Variants in GMDS observed in about 807,000 individuals in gnomAD.
The protein encoded by GMDS is GDP-mannose 4,6-dehydratase.
GMDS carries 20 observed loss-of-function variants against 49.9 expected under a neutral mutation model. That is an observed-to-expected ratio of 0.40 (90% CI 0.28 to 0.58). GMDS has a LOEUF of 0.58. Among genes scored for constraint, GMDS ranks in the 20% least tolerant of loss-of-function variants. The pLI is 0.42. For missense variants in GMDS, 362 were observed against 481.4 expected, an observed-to-expected ratio of 0.75 and a Z score of 2.32; for synonymous variants, 177 against 178.6, an observed-to-expected ratio of 0.99 and a Z score of 0.07.
At chr6:2,061,469 C>A (rs533765303) in intron 4 of GMDS, among the ~76,000 whole-genome samples, 2 of 152,278 alleles carry the variant, frequency 1.3e-5, no homozygotes, top group African/African-American at 4.8e-5. Flanking sequence ...GTAATCCCAA[C>A]ACTTTGGGAG....
At chr6:1,637,319 C>T (rs1024545070) in intron 9 of GMDS, among the ~76,000 whole-genome samples, 3 of 152,212 alleles carry the variant, frequency 2.0e-5, no homozygotes, top group East Asian at 1.9e-4. Flanking sequence ...ATGTGCTTCC[C>T]GGCCGGCCCC....
At chr6:1,866,511 G>A (rs1189662423) in intron 7 of GMDS, among the ~76,000 whole-genome samples, 1 of 152,140 alleles carries the variant, frequency 6.6e-6, no homozygotes, top group African/African-American at 2.4e-5. Flanking sequence ...TTTATTAAAG[G>A]GCAGGTCTCA....
chr6:2,077,556 T>C (rs1174350688), intron 4 of GMDS, among the ~76,000 whole-genome samples: 6 of 152,172 alleles, frequency 3.9e-5, no homozygotes, highest in Admixed American at 3.3e-4. Context: ...TTTTTTATCA[T>C]TCATTCTGCT....
chr6:1,940,659 A>G (rs756244005), intron 6 of GMDS, among the ~76,000 whole-genome samples: 3 of 152,272 alleles, frequency 2.0e-5, no homozygotes, highest in African/African-American at 4.8e-5. Flanking sequence ...CAGGCTTAAA[A>G]GAGGACAATT....
At chr6:2,022,742 G>C (rs554532960) in intron 4 of GMDS, among the ~76,000 whole-genome samples, 1 of 152,136 alleles carries the variant, frequency 6.6e-6, no homozygotes, top group Non-Finnish European at 1.5e-5. Flanking sequence ...CAGGAAAAGA[G>C]CATTCCCAAA....
chr6:2,140,175 C>T (rs1465470081), intron 1 of GMDS, among the ~76,000 whole-genome samples: 2 of 152,046 alleles, frequency 1.3e-5, no homozygotes, highest in East Asian at 3.9e-4. Context: ...TGGAGATTAT[C>T]GTGGATTATC....
intron 9 of GMDS, among the ~76,000 whole-genome samples, chr6:1,645,291 C>T (rs1321039596): frequency 1.3e-5 from 2 of 152,196 alleles, no homozygotes; most frequent in Non-Finnish European, 2.9e-5. Context: ...TGAATGCAAG[C>T]CCCCCATGGG....
intron 7 of GMDS, among the ~76,000 whole-genome samples, chr6:1,800,729 C>A (rs2113657195): frequency 6.6e-6 from 1 of 151,892 alleles, no homozygotes; most frequent in South Asian, 2.1e-4. Flanking sequence ...TCCCAAAGTG[C>A]TGGGATTAGA....
chr6:1,671,236 G>A (rs889307936), intron 9 of GMDS, among the ~76,000 whole-genome samples: 1 of 152,164 alleles, frequency 6.6e-6, no homozygotes, highest in Admixed American at 6.5e-5. Context: ...GTCTGGTGGC[G>A]GCTTATCACT....
chr6:1,662,479 C>T (rs1420749410), intron 9 of GMDS, among the ~76,000 whole-genome samples: 2 of 152,016 alleles, frequency 1.3e-5, no homozygotes, highest in South Asian at 2.1e-4. Flanking sequence ...GCATGGGTGA[C>T]CAGTACCTTG....
intron 7 of GMDS, among the ~76,000 whole-genome samples, chr6:1,791,501 C>T (rs1029519256): frequency 1.3e-5 from 2 of 152,160 alleles, no homozygotes; most frequent in South Asian, 2.1e-4. Context: ...GCCTCTTGAA[C>T]TCATCTAAAC....
chr6:2,076,948 T>C (rs148431706), intron 4 of GMDS, among the ~76,000 whole-genome samples: 5 of 152,310 alleles, frequency 3.3e-5, no homozygotes, highest in African/African-American at 1.2e-4. Context: ...TGGGATATCT[T>C]TTCATTTGTT....
At chr6:1,699,309 T>TG (rs1765457919) in intron 9 of GMDS, among the ~76,000 whole-genome samples, 1 of 150,360 alleles carries the variant, frequency 6.7e-6, no homozygotes, top group Admixed American at 6.6e-5. Flanking sequence ...AAGAACAAGC[T>TG]GGGTGAGGGG....
At chr6:2,138,818 T>C (rs1208392918) in intron 1 of GMDS, among the ~76,000 whole-genome samples, 1 of 152,232 alleles carries the variant, frequency 6.6e-6, no homozygotes, top group Non-Finnish European at 1.5e-5. Flanking sequence ...ACCACAGATT[T>C]CTTGAAAATG....
chr6:1,700,261 A>T (rs1165132988), intron 9 of GMDS, among the ~76,000 whole-genome samples: 4 of 152,150 alleles, frequency 2.6e-5, no homozygotes, highest in Admixed American at 2.6e-4. Context: ...CTTTATTCTC[A>T]ATTACTCTGC....
At chr6:1,908,154 G>A (rs757958486) in intron 7 of GMDS, among the ~76,000 whole-genome samples, 2 of 152,154 alleles carry the variant, frequency 1.3e-5, no homozygotes, top group Non-Finnish European at 2.9e-5. Context: ...GGGGAACATC[G>A]ACAGTGGGGA....
intron 7 of GMDS, among the ~76,000 whole-genome samples, chr6:1,780,767 G>A (rs928772526): frequency 1.3e-5 from 2 of 152,254 alleles, no homozygotes; most frequent in Admixed American, 1.3e-4. Flanking sequence ...AGTGCCTGGT[G>A]AGATGTCAGA....
At chr6:1,780,177 T>C (rs531444769) in intron 7 of GMDS, among the ~76,000 whole-genome samples, 2 of 152,340 alleles carry the variant, frequency 1.3e-5, no homozygotes, top group East Asian at 3.9e-4. Context: ...CAATTGTGTT[T>C]TGTATAAGTA....
At chr6:2,143,675 C>T (rs976839898) in intron 1 of GMDS, among the ~76,000 whole-genome samples, 11 of 152,292 alleles carry the variant, frequency 7.2e-5, no homozygotes, top group African/African-American at 2.6e-4. Context: ...CCCTTTGTGT[C>T]ACACTCCCAC....
Sources: allele counts gnomAD v4.1 joint callset (sites outside exome capture counted in the v4.1 genomes callset), GRCh38; gene constraint gnomAD v4.1.1; transcripts MANE v1.5; gene names NCBI Gene and HGNC (gene_info 2026-07-23, HGNC 2026-07-21).